Variants in CLDN16 observed in about 807,000 individuals in gnomAD.
The protein encoded by CLDN16 is claudin-16.
CLDN16 carries 13 observed loss-of-function variants against 24.6 expected under a neutral mutation model. The observed-to-expected ratio is 0.53, with a 90% CI of 0.34 to 0.84. CLDN16 has a LOEUF of 0.84. Ranked by LOEUF, CLDN16 falls within the 40% of genes least tolerant of loss-of-function variation. The pLI is 0.01. For synonymous variants in CLDN16, 116 were observed against 106.7 expected (o/e 1.09, Z -0.54); for missense variants, 298 against 292.7 (o/e 1.02, Z -0.13).
intron 1 of CLDN16, among the ~76,000 whole-genome samples, chr3:190,363,554 GTGTATATATATATATATATATATATATA>G (rs1249772321): frequency 2.6e-4 from 21 of 81,356 alleles, no homozygotes; most frequent in Admixed American, 4.8e-4. Flanking sequence ...GTGTGTGTGT[GTGTATATATATATATATATATATATATA>G]TATATATATA....
In CLDN16 at chr3:190,352,299, GC is replaced by G. The variant is rs555346781; in HGVS notation, n.122-18592del. Among the ~76,000 whole-genome samples the G allele has an allele frequency of 2.4e-3, 359 of 152,008 alleles. 2 individuals are homozygous for G. Among genetic ancestry groups the G allele is most frequent in the Non-Finnish European group, 4.2e-3 (285 of 67,922 alleles). The stretch of plus-strand genomic sequence containing the variant: ...TAGTTTTTCTTTTTCTAGATATTGT[GC>G]CTGGTACATATAAATTCTCAGTAAA... On this transcript the variant is annotated intron_variant and non_coding_transcript_variant, in intron 1 of 4. Transcript: ENST00000468220.
chr3:190,292,241 C>A, the CLDN16 span, among the ~76,000 whole-genome samples: 9 of 152,308 alleles, frequency 5.9e-5, no homozygotes, highest in Middle Eastern at 3.4e-3. Flanking sequence ...TGGAGGTTCC[C>A]AAACCTCAAT....
intron 1 of CLDN16, among the ~76,000 whole-genome samples, chr3:190,356,541 A>G (rs1222825112): frequency 1.1e-4 from 16 of 151,880 alleles, no homozygotes; most frequent in African/African-American, 3.6e-4. Context: ...ATCTAAAATA[A>G]TTAGATGGCC....
At chr3:190,405,428 GAAAAAAA>G (rs542527344) in intron 3 of CLDN16, among the ~76,000 whole-genome samples, 29 of 81,160 alleles carry the variant, frequency 3.6e-4, no homozygotes, top group Non-Finnish European at 5.7e-4. Flanking sequence ...CCGTCTCACG[GAAAAAAA>G]AAAAAAAAAA....
chr3:190,351,333 G>GT (rs200212363), intron 1 of CLDN16, among the ~76,000 whole-genome samples: 16 of 150,714 alleles, frequency 1.1e-4, no homozygotes, highest in South Asian at 4.2e-4. Flanking sequence ...GAAACAGACT[G>GT]TTTTTTTTTC....
rs2288234 is a variant in CLDN16, at chr3:190,404,543, A to G, written c.218-219A>G. Among the ~76,000 whole-genome samples the G allele has an allele frequency of 0.51, 77,864 of 152,002 alleles. 20,554 individuals are homozygous for G. The highest frequency in any genetic ancestry group is 0.85 in the East Asian group (4,370 of 5,164). On this transcript the variant is annotated intron_variant, in intron 2 of 4. Transcript: ENST00000264734. ...TAGCATACCAACAACAAAACTAAGT[A>G]GTGAACTGTGGTTAAACAAGCAATA... is the stretch of plus-strand genomic sequence containing the variant.
intron 1 of CLDN16, among the ~76,000 whole-genome samples, chr3:190,347,575 AC>A (rs1172355788): frequency 6.6e-6 from 1 of 152,226 alleles, no homozygotes; most frequent in Non-Finnish European, 1.5e-5. Flanking sequence ...TATCAAGGAC[AC>A]AGTTGTGAAT....
the CLDN16 span, among the ~76,000 whole-genome samples, chr3:190,301,550 G>A: frequency 6.6e-6 from 1 of 152,024 alleles, no homozygotes; most frequent in Admixed American, 6.5e-5. Flanking sequence ...TGTCCAAAAT[G>A]AAATTTCTGA....
At chr3:190,364,106 A>G (rs1717967605) in intron 1 of CLDN16, among the ~76,000 whole-genome samples, 1 of 151,912 alleles carries the variant, frequency 6.6e-6, no homozygotes, top group South Asian at 2.1e-4. Context: ...AAACCAATAC[A>G]TTTGTGAACA....
chr3:190,408,837 A>G (rs1719178364), intron 4 of CLDN16, among the ~76,000 whole-genome samples: 1 of 147,748 alleles, frequency 6.8e-6, no homozygotes, highest in African/African-American at 2.5e-5. Context: ...TATATACTAT[A>G]TACATATATA....
At chr3:190,375,550 A>C (rs758659017) in intron 3 of CLDN16, among the ~76,000 whole-genome samples, 9 of 152,012 alleles carry the variant, frequency 5.9e-5, no homozygotes, top group Non-Finnish European at 1.0e-4. Context: ...TACACAAAGC[A>C]GATAGCAGGG....
upstream of CLDN16, among the ~76,000 whole-genome samples, chr3:190,319,753 C>A (rs2108614755): frequency 6.6e-6 from 1 of 152,284 alleles, no homozygotes; most frequent in African/African-American, 2.4e-5. Context: ...CACACATAAC[C>A]CTTTTCATCT....
chr3:190,409,930 A>G lies in CLDN16; in HGVS notation c.602A>G (p.Tyr201Cys). ...KDVGPERNYP[Y>C]SLRKAYSAAG... The stretch of plus-strand genomic sequence containing the variant: ...GTTGGACCTGAGAGAAACTATCCTT[A>G]TTCCTTGAGGAAAGCCTATTCAGCC... Residue 201 changes from tyrosine (Y) to cysteine (C), a missense_variant, in exon 5 of 5, where the codon TAT becomes TGT. Transcript: ENST00000264734. The G allele has an allele frequency of 6.2e-7, 1 of 1,614,070 alleles. No individual in the cohort carries two copies. The highest frequency in any genetic ancestry group is 1.3e-5 in the African/African-American group (1 of 75,018).
At chr3:190,304,031 C>T in the CLDN16 span, among the ~76,000 whole-genome samples, 1 of 152,182 alleles carries the variant, frequency 6.6e-6, no homozygotes, top group Admixed American at 6.5e-5. Flanking sequence ...TGAGAGATGA[C>T]ATAGGCCTGT....
chr3:190,402,509 T>C, intron 2 of CLDN16, 70 bp downstream of exon 2: 1 of 1,212,968 alleles, frequency 8.2e-7, no homozygotes, highest in South Asian at 1.2e-5. Context: ...CAGGTTTCCA[T>C]TTTGTGCTTT....
upstream of CLDN16, chr3:190,322,191 G>T (rs1716945126): frequency 5.0e-6 from 8 of 1,613,848 alleles, no homozygotes; most frequent in Non-Finnish European, 6.8e-6. Context: ...AACAGCTGCA[G>T]CCCCGCGTTG....
intron 1 of CLDN16, among the ~76,000 whole-genome samples, chr3:190,332,937 T>C (rs569118672): frequency 1.3e-5 from 2 of 152,292 alleles, no homozygotes; most frequent in South Asian, 2.1e-4. Context: ...GTATTTCCAG[T>C]TGGGTTAAAC....
intron 2 of CLDN16, among the ~76,000 whole-genome samples, chr3:190,373,066 G>A (rs1347904810): frequency 1.3e-5 from 2 of 151,900 alleles, no homozygotes; most frequent in Non-Finnish European, 2.9e-5. Flanking sequence ...TAGCCTACCT[G>A]CTCTGTCTCT....
upstream of CLDN16, among the ~76,000 whole-genome samples, chr3:190,319,832 C>T (rs960922872): frequency 1.3e-5 from 2 of 152,288 alleles, no homozygotes; most frequent in South Asian, 2.1e-4. Flanking sequence ...AGCTGGTGGG[C>T]GTAAACACCA....
Sources: gnomAD v4.1 joint callset for allele counts (sites outside exome capture counted in the v4.1 genomes callset) on GRCh38, gnomAD v4.1.1 for gene constraint, MANE v1.5 for transcripts, NCBI Gene and HGNC (gene_info 2026-07-23, HGNC 2026-07-21) for gene names.